The following KIF27 variants were observed in gnomAD, a reference collection of about 807,000 sequenced individuals.
KIF27 encodes the protein kinesin family member 27, also known as kinesin-like protein KIF27.
A neutral mutation model predicts 141.8 loss-of-function variants in KIF27; 84 were observed. The ratio of observed to expected loss-of-function variants is 0.59; its 90% CI spans 0.50 to 0.71. The LOEUF is 0.71. Ranked by LOEUF, KIF27 falls within the 30% of genes least tolerant of loss-of-function variation. The pLI, the probability that KIF27 is intolerant of heterozygous loss-of-function variation, is 0.00. For synonymous variants in KIF27, 471 were observed against 569.5 expected (o/e 0.83, Z 2.46); for missense variants, 1,306 against 1,628.4 (o/e 0.80, Z 3.41).
chr9:83,921,216 A>C (rs11140295), intron 1 of KIF27, among the ~76,000 whole-genome samples, 155 bp downstream of exon 1: 151,223 of 151,980 alleles, frequency 1, 75,238 homozygotes, highest in Middle Eastern at 1. Context: ...TCCGCTACCC[A>C]CCCGCGGCGG....
Position 83,867,481 on chromosome 9 carries a change from G to C in KIF27, c.2934+203C>G, listed in dbSNP as rs184840070. ...GAGATTACTGGGTCACATAGTATCC[G>C]TAAGTTTAGCCTTTTGAGGAACTAC... is the stretch of plus-strand genomic sequence containing the variant. On this transcript the variant is annotated intron_variant, in intron 13 of 17. Transcript: ENST00000297814. Among the ~76,000 whole-genome samples, 181 of 117,670 alleles carry C rather than the reference G, an allele frequency of 1.5e-3. 1 individual carries two copies. Among genetic ancestry groups the C allele is most frequent in the African/African-American group, 5.7e-3 (172 of 30,220 alleles). The allele number at this position is 117,670 out of a possible 152,430, so 77.2% of individuals were successfully genotyped here.
At chr9:83,855,031 ATTTC>A (rs949185385) in intron 14 of KIF27, 1 of 151,794 alleles carries the variant, frequency 6.6e-6, no homozygotes, top group East Asian at 1.9e-4. Flanking sequence ...TAATATGAAT[ATTTC>A]TTTCTTTTTT....
intron 11 of KIF27, among the ~76,000 whole-genome samples, chr9:83,872,366 G>T (rs1235016146): frequency 2.0e-5 from 3 of 152,094 alleles, no homozygotes; most frequent in Admixed American, 6.5e-5. Flanking sequence ...CCTTCTAGGG[G>T]TTTAGAAATG....
intron 11 of KIF27, among the ~76,000 whole-genome samples, chr9:83,872,909 C>G (rs1206463313): frequency 2.0e-5 from 3 of 152,172 alleles, no homozygotes; most frequent in African/African-American, 7.2e-5. Flanking sequence ...TATACAATTG[C>G]CCAGCCTTGC....
At chr9:83,860,824 T>C (rs2131885849) in intron 13 of KIF27, among the ~76,000 whole-genome samples, 1 of 152,120 alleles carries the variant, frequency 6.6e-6, no homozygotes, top group Middle Eastern at 3.4e-3. Flanking sequence ...TCATAGTTTG[T>C]GCCCTTATTT....
intron 2 of KIF27, among the ~76,000 whole-genome samples, chr9:83,913,299 A>G (rs575681566): frequency 6.0e-4 from 92 of 152,360 alleles, no homozygotes; most frequent in African/African-American, 2.1e-3. Flanking sequence ...GACACTGCAG[A>G]TGCTCAATAA....
At chr9:83,880,614 G>T (rs1166594822) in intron 10 of KIF27, 120 bp from the exon 11 acceptor site, 3 of 868,044 alleles carry the variant, frequency 3.5e-6, no homozygotes, top group African/African-American at 3.4e-5. Flanking sequence ...ATTTATTTTT[G>T]ACAGGTTTAC....
At chr9:83,863,165 A>C (rs1480565965) in intron 13 of KIF27, among the ~76,000 whole-genome samples, 7 of 152,076 alleles carry the variant, frequency 4.6e-5, no homozygotes, top group Admixed American at 1.3e-4. Flanking sequence ...AATACCCTTT[A>C]TTTCTTTCTC....
rs1945810497 is a variant in KIF27, at chr9:83,836,178, A to G, written c.*823T>C. Among the ~76,000 whole-genome samples the G allele has an allele frequency of 6.6e-6, 1 of 152,194 alleles. No homozygotes were observed. Among genetic ancestry groups the G allele is most frequent in the Non-Finnish European group, 1.5e-5 (1 of 68,044 alleles). On this transcript the variant is annotated 3_prime_UTR_variant, in exon 18 of 18. Transcript: ENST00000297814. ...TTAAAGATGCTTTGGCAAGACTTCAAGCTTTACAGACATACTCCATGTGAC... is the reference window on the plus strand; with the variant it reads ...TTAAAGATGCTTTGGCAAGACTTCAGGCTTTACAGACATACTCCATGTGAC...
At position 83,889,144 on chromosome 9, in the gene KIF27, C is replaced by T. The variant is rs1401563486; in HGVS notation, c.1919G>A (p.Cys640Tyr). 1.2e-6 allele frequency: 2 copies of T among 1,613,500 alleles called. No individual in the cohort carries two copies. Among genetic ancestry groups the T allele is most frequent in the African/African-American group, 1.3e-5 (1 of 74,894 alleles). ...ATCATCACTGTTATCAGAAAATTGG[C>T]AGTGGAGGACCTTATCTTGTTCTTC... is the stretch of plus-strand genomic sequence containing the variant. ...HIEEQDKVLH[C>Y]QFSDNSDDEE... Residue 640 changes from cysteine (C) to tyrosine (Y), a missense_variant, in exon 7 of 18, where the codon TGC (cysteine) becomes TAC (tyrosine). This residue lies in a region of KIF27 where 596 missense variants were observed against 751.6 expected (regional missense o/e 0.79). Coordinates refer to ENST00000297814, the MANE Select transcript of KIF27 (RefSeq NM_017576.4).
chr9:83,840,039 G>A lies in KIF27; in HGVS notation c.3721+2198C>T, dbSNP rs569668355. On this transcript the variant is annotated intron_variant, in intron 17 of 17. Coordinates refer to ENST00000297814, the MANE Select transcript of KIF27 (RefSeq NM_017576.4). Reference sequence around the variant, plus strand: ...TTATTAAGCATGTAAAACATTTTATGAAACTCAGAGTTTGATATAAATTGC... The same window carrying A: ...TTATTAAGCATGTAAAACATTTTATAAAACTCAGAGTTTGATATAAATTGC... Among the ~76,000 whole-genome samples the A allele has an allele frequency of 2.4e-4, 36 of 152,264 alleles. No individual in the cohort carries two copies. The South Asian group carries it at 7.5e-3, about 32-fold the overall frequency.
At chr9:83,919,325 T>A (rs1170830587) in intron 1 of KIF27, among the ~76,000 whole-genome samples, 1 of 152,112 alleles carries the variant, frequency 6.6e-6, no homozygotes, top group Non-Finnish European at 1.5e-5. Flanking sequence ...GCAATTCCAC[T>A]CCCAAGAGAA....
rs1285815354 is a variant in KIF27 at position 83,836,394 on chromosome 9, T to C, written c.*607A>G. On this transcript the variant is annotated 3_prime_UTR_variant, in exon 18 of 18. Coordinates refer to ENST00000297814, the MANE Select transcript of KIF27 (RefSeq NM_017576.4). ...GCATAATATTAGCAAACATAAAAGA[T>C]AGCATTATAAATTTTTAAAAATCCA... Among the ~76,000 whole-genome samples the C allele has an allele frequency of 6.6e-6, 1 of 152,148 alleles. No homozygotes were observed. The highest frequency in any genetic ancestry group is 2.4e-5 in the African/African-American group (1 of 41,426).
intron 11 of KIF27, among the ~76,000 whole-genome samples, chr9:83,878,298 G>A (rs1187643800): frequency 6.6e-6 from 1 of 151,866 alleles, no homozygotes; most frequent in Non-Finnish European, 1.5e-5. Context: ...ACACATTGCT[G>A]GTGGAAATGT....
In KIF27 at chr9:83,891,547, A is replaced by G. The variant is rs1460854294; in HGVS notation, c.1603-46T>C. ...AATTTTTAATATAGAGCACTTCAGT[A>G]CATTTAGATTATGATTAAAAATGAA... On this transcript the variant is annotated intron_variant, in intron 5 of 17. Coordinates refer to ENST00000297814, the MANE Select transcript of KIF27 (RefSeq NM_017576.4). The G allele has an allele frequency of 4.0e-6, 6 of 1,496,508 alleles. No homozygotes were observed. In the African/African-American group the frequency reaches 8.5e-5, roughly 21 times the overall value. 92.7% of individuals were successfully genotyped at this position (1,496,508 alleles called of 1,614,324 possible).
intron 11 of KIF27, 95 bp downstream of exon 11, chr9:83,880,202 C>A (rs1461357552): frequency 1.3e-6 from 2 of 1,568,188 alleles, no homozygotes; most frequent in African/African-American, 1.3e-5. Flanking sequence ...AGGATAGATA[C>A]TTCACAAGCC....
At chr9:83,876,527 T>C (rs1157895498) in intron 11 of KIF27, among the ~76,000 whole-genome samples, 1 of 152,200 alleles carries the variant, frequency 6.6e-6, no homozygotes, top group Non-Finnish European at 1.5e-5. Context: ...CTTATCAAAA[T>C]TCCAATGGCC....
intron 16 of KIF27, among the ~76,000 whole-genome samples, chr9:83,848,226 G>GAT (rs1261550215): frequency 2.9e-5 from 2 of 69,268 alleles, no homozygotes; most frequent in African/African-American, 1.1e-4. Context: ...TGATATATCA[G>GAT]ATATGATATA....
chr9:83,896,252 CA>C (rs1159857796), intron 5 of KIF27, among the ~76,000 whole-genome samples: 3 of 151,468 alleles, frequency 2.0e-5, no homozygotes, highest in Non-Finnish European at 4.4e-5. Context: ...TCAAAAACAA[CA>C]AAAAAAAGAA....
Sources: gnomAD v4.1 joint callset for allele counts (sites outside exome capture counted in the v4.1 genomes callset) on GRCh38, gnomAD v4.1.1 for gene constraint, gnomAD v4.1.1 regional missense constraint, MANE v1.5 for transcripts, NCBI Gene and HGNC (gene_info 2026-07-23, HGNC 2026-07-21) for gene names.